The following RORA variants were observed in gnomAD, a reference collection of about 807,000 sequenced individuals.
RORA encodes the protein nuclear receptor ROR-alpha.
Under a neutral mutation model 69.5 loss-of-function variants are expected in RORA, and 7 were observed. The observed-to-expected ratio is 0.10, with a 90% confidence interval of 0.06 to 0.19. The LOEUF is 0.19. Ranked by LOEUF, RORA falls within the 10% of genes least tolerant of loss-of-function variation. The pLI, the probability that RORA is intolerant of heterozygous loss-of-function variation, is 1.00. For missense variants in RORA, 457 were observed against 663.0 expected (o/e 0.69, Z 3.41); for synonymous variants, 261 against 240.8 (o/e 1.08, Z -0.78).
intron 2 of RORA, among the ~76,000 whole-genome samples, chr15:60,619,063 A>C (rs911652948): frequency 2.0e-5 from 3 of 152,214 alleles, no homozygotes; most frequent in Non-Finnish European, 2.9e-5. Flanking sequence ...CCTGGCAAAC[A>C]CAGTTACACT....
At chr15:60,787,571 C>G (rs1473964843) in intron 1 of RORA, among the ~76,000 whole-genome samples, 2 of 152,188 alleles carry the variant, frequency 1.3e-5, no homozygotes, top group Non-Finnish European at 2.9e-5. Flanking sequence ...ATTGTTCTTA[C>G]AAATTCTGCA....
intron 1 of RORA, among the ~76,000 whole-genome samples, chr15:61,066,879 C>CAAAA (rs33936803): frequency 1.4e-5 from 1 of 71,290 alleles, no homozygotes; most frequent in Non-Finnish European, 2.5e-5. Context: ...TTCATAAGAC[C>CAAAA]AAAAAAAAAA....
chr15:60,538,181 TC>T (rs1290369182), intron 2 of RORA, among the ~76,000 whole-genome samples: 4 of 152,152 alleles, frequency 2.6e-5, no homozygotes, highest in African/African-American at 9.7e-5. Flanking sequence ...ATTTATGCCA[TC>T]ACTGATCTGG....
chr15:60,762,308 T>C (rs2071906518), intron 1 of RORA, among the ~76,000 whole-genome samples: 1 of 152,224 alleles, frequency 6.6e-6, no homozygotes, highest in Non-Finnish European at 1.5e-5. Context: ...GGCTTGAATT[T>C]ATTAAAAACT....
chr15:61,111,658 C>A (rs1468797755), intron 1 of RORA, among the ~76,000 whole-genome samples: 1 of 151,952 alleles, frequency 6.6e-6, no homozygotes, highest in Non-Finnish European at 1.5e-5. Context: ...CCAAGTATGC[C>A]CTTATTTTTG....
intron 2 of RORA, among the ~76,000 whole-genome samples, chr15:60,613,831 A>C (rs889905104): frequency 2.6e-5 from 4 of 151,816 alleles, no homozygotes; most frequent in Non-Finnish European, 5.9e-5. Flanking sequence ...GGGCACCCTC[A>C]AAATCTCAGG....
chr15:60,665,229 A>C (rs563887942), intron 2 of RORA, among the ~76,000 whole-genome samples: 1 of 152,368 alleles, frequency 6.6e-6, no homozygotes, highest in South Asian at 2.1e-4. Flanking sequence ...GACTGGACAA[A>C]TACAGGATAT....
At chr15:60,628,369 G>A (rs140702517) in intron 2 of RORA, among the ~76,000 whole-genome samples, 2 of 152,104 alleles carry the variant, frequency 1.3e-5, no homozygotes, top group Admixed American at 1.3e-4. Context: ...TTTATTTTAT[G>A]TATTTATTCT....
intron 1 of RORA, among the ~76,000 whole-genome samples, chr15:61,210,340 C>G (rs1022926912): frequency 2.6e-5 from 4 of 152,210 alleles, no homozygotes; most frequent in Non-Finnish European, 5.9e-5. Context: ...CAGCTGATAC[C>G]TAAAATGGAA....
intron 2 of RORA, among the ~76,000 whole-genome samples, chr15:60,677,531 C>T (rs995656416): frequency 6.6e-6 from 1 of 151,928 alleles, no homozygotes; most frequent in Admixed American, 6.6e-5. Context: ...AGGACAGGGC[C>T]CTCAGAGTCA....
chr15:60,984,603 C>T (rs1192928196), intron 1 of RORA, among the ~76,000 whole-genome samples: 1 of 151,972 alleles, frequency 6.6e-6, no homozygotes, highest in Admixed American at 6.6e-5. Flanking sequence ...CTGTAATAAC[C>T]AGTGCTACTC....
intron 1 of RORA, among the ~76,000 whole-genome samples, chr15:60,746,403 C>T (rs2071649164): frequency 6.6e-6 from 1 of 152,004 alleles, no homozygotes; most frequent in Non-Finnish European, 1.5e-5. Context: ...TGTGTATAGT[C>T]ACCGCTTACA....
intron 1 of RORA, among the ~76,000 whole-genome samples, chr15:60,760,331 C>T (rs1035873425): frequency 2.0e-5 from 3 of 152,002 alleles, no homozygotes; most frequent in Non-Finnish European, 2.9e-5. Context: ...GGTATGGGAC[C>T]GAAGAAAGGA....
intron 1 of RORA, among the ~76,000 whole-genome samples, chr15:60,741,980 A>G (rs549742398): frequency 1.3e-5 from 2 of 152,280 alleles, no homozygotes; most frequent in South Asian, 4.1e-4. Flanking sequence ...TCCACTGGAC[A>G]AAAGTTTCTC....
chr15:60,874,953 C>T (rs146675707), intron 1 of RORA, among the ~76,000 whole-genome samples: 7 of 152,272 alleles, frequency 4.6e-5, no homozygotes, highest in Admixed American at 6.5e-5. Context: ...AAACATTTAT[C>T]AGGGCATATG....
chr15:60,685,972 G>C (rs1407862243), intron 1 of RORA, among the ~76,000 whole-genome samples: 1 of 152,048 alleles, frequency 6.6e-6, no homozygotes, highest in Non-Finnish European at 1.5e-5. Flanking sequence ...TACCAACCAA[G>C]GTGCTTTGGA....
intron 2 of RORA, among the ~76,000 whole-genome samples, chr15:60,663,164 T>C (rs1355144403): frequency 6.6e-6 from 1 of 152,226 alleles, no homozygotes; most frequent in Non-Finnish European, 1.5e-5. Context: ...CTATAGGCAT[T>C]GTCCCTATAA....
chr15:60,557,444 A>G (rs1374015885), intron 2 of RORA, among the ~76,000 whole-genome samples: 1 of 152,244 alleles, frequency 6.6e-6, no homozygotes, highest in African/African-American at 2.4e-5. Flanking sequence ...CAGGGGAGTG[A>G]ACACAAAGTT....
chr15:60,951,330 G>A (rs1595841272), intron 1 of RORA, among the ~76,000 whole-genome samples: 1 of 126,842 alleles, frequency 7.9e-6, no homozygotes, highest in African/African-American at 3.1e-5. Flanking sequence ...GCCCACAAGA[G>A]AAAGCAGGAA....
Sources: allele counts gnomAD v4.1 joint callset (sites outside exome capture counted in the v4.1 genomes callset), GRCh38; gene constraint gnomAD v4.1.1; transcripts MANE v1.5; gene names NCBI Gene and HGNC (gene_info 2026-07-23, HGNC 2026-07-21).